Variants in CDH13 observed in about 807,000 individuals in gnomAD.
The protein encoded by CDH13 is cadherin-13.
Under a neutral mutation model 63.8 loss-of-function variants are expected in CDH13, and 24 were observed. That is an observed-to-expected ratio of 0.38 (90% CI 0.27 to 0.53). The LOEUF (loss-of-function observed/expected upper bound fraction) is 0.53, where lower values mean the gene tolerates loss of function less well. CDH13 is among the 20% of genes least tolerant of loss of function. The probability of loss-of-function intolerance (pLI) is 0.85; values close to 1 mark genes in which losing one functional copy is unlikely to be tolerated. For missense variants in CDH13, 1,049 were observed against 903.1 expected (o/e 1.16, Z -2.07); for synonymous variants, 503 against 355.3 (o/e 1.42, Z -4.67).
chr16:83,589,025 A>C (rs1422481103), intron 7 of CDH13, among the ~76,000 whole-genome samples: 1 of 152,208 alleles, frequency 6.6e-6, no homozygotes, highest in African/African-American at 2.4e-5. Context: ...ATTATCCTAC[A>C]GAGCTAGAAG....
chr16:82,680,029 C>G (rs1459086691), intron 1 of CDH13, among the ~76,000 whole-genome samples: 1 of 152,128 alleles, frequency 6.6e-6, no homozygotes, highest in Non-Finnish European at 1.5e-5. Context: ...ATGGAGGTTC[C>G]AGGATCTATG....
Position 82,721,130 on chromosome 16 carries a change from GA to G in CDH13, c.45+93994del, listed in dbSNP as rs1306732218. Among the ~76,000 whole-genome samples, 4 of 152,284 alleles carry G rather than the reference GA, an allele frequency of 2.6e-5. No individual in the cohort carries two copies. The East Asian group carries it at 7.7e-4, about 29-fold the overall frequency. ...TCAATGACCAGTCATTCCTCTCCTT[GA>G]TTTAACAAACATTCATTGAGCACCT... is the stretch of plus-strand genomic sequence containing the variant. On this transcript the variant is annotated intron_variant, in intron 1 of 13. Coordinates refer to ENST00000567109, the MANE Select transcript of CDH13 (RefSeq NM_001257.5).
At chr16:83,702,350 G>A (rs1046736964) in intron 10 of CDH13, among the ~76,000 whole-genome samples, 6 of 152,108 alleles carry the variant, frequency 3.9e-5, no homozygotes, top group Non-Finnish European at 7.4e-5. Flanking sequence ...TATTACAGTC[G>A]AACTGCAGAT....
intron 6 of CDH13, among the ~76,000 whole-genome samples, chr16:83,425,276 G>A (rs982969027): frequency 2.0e-5 from 3 of 152,206 alleles, no homozygotes; most frequent in Non-Finnish European, 2.9e-5. Context: ...GTCATCTAAC[G>A]TTAGTTCCAG....
chr16:83,696,114 C>T (rs753918656), intron 10 of CDH13, among the ~76,000 whole-genome samples: 13 of 152,126 alleles, frequency 8.5e-5, no homozygotes, highest in Non-Finnish European at 1.5e-4. Flanking sequence ...GGTTCTCAAA[C>T]TCCTGGGCTC....
intron 2 of CDH13, among the ~76,000 whole-genome samples, chr16:83,012,147 T>G (rs1914227373): frequency 6.6e-6 from 1 of 152,162 alleles, no homozygotes; most frequent in Non-Finnish European, 1.5e-5. Context: ...AAGAATAACT[T>G]ATAAAATTAC....
chr16:83,247,131 C>A (rs1019536377), intron 5 of CDH13, among the ~76,000 whole-genome samples: 2 of 152,166 alleles, frequency 1.3e-5, no homozygotes, highest in East Asian at 1.9e-4. Flanking sequence ...ATCATTGGTA[C>A]CTGTGCCATC....
At chr16:83,704,522 C>T (rs944394485) in intron 10 of CDH13, among the ~76,000 whole-genome samples, 3 of 152,298 alleles carry the variant, frequency 2.0e-5, no homozygotes, top group South Asian at 4.1e-4. Flanking sequence ...GCACCACTCC[C>T]ATATCCCACC....
chr16:83,234,087 AAGG>A, intron 5 of CDH13, among the ~76,000 whole-genome samples: 1 of 152,184 alleles, frequency 6.6e-6, no homozygotes, highest in East Asian at 1.9e-4. Context: ...TGACGGCCGG[AAGG>A]AGAAGTAACT....
At chr16:83,195,942 C>A (rs1270368205) in intron 4 of CDH13, among the ~76,000 whole-genome samples, 1 of 152,196 alleles carries the variant, frequency 6.6e-6, no homozygotes, top group Non-Finnish European at 1.5e-5. Flanking sequence ...CAACCTAAAC[C>A]TCACTCTTCA....
intron 7 of CDH13, among the ~76,000 whole-genome samples, chr16:83,543,523 A>G (rs1262732463): frequency 5.3e-5 from 8 of 152,064 alleles, no homozygotes; most frequent in Non-Finnish European, 1.2e-4. Flanking sequence ...GCTGTGATCT[A>G]CTCCAGTAAA....
At chr16:83,740,085 G>A (rs999581169) in intron 10 of CDH13, 1 of 152,122 alleles carries the variant, frequency 6.6e-6, no homozygotes, top group Non-Finnish European at 1.5e-5. Flanking sequence ...GTAGAAATGT[G>A]TTGAGACCAG....
chr16:82,811,996 G>C (rs549906915), intron 1 of CDH13, among the ~76,000 whole-genome samples: 1 of 152,168 alleles, frequency 6.6e-6, no homozygotes, highest in Non-Finnish European at 1.5e-5. Context: ...GACATGAGTA[G>C]GTTCTACCTT....
chr16:83,070,153 G>A (rs573944341), intron 3 of CDH13, among the ~76,000 whole-genome samples: 29 of 152,050 alleles, frequency 1.9e-4, no homozygotes, highest in Non-Finnish European at 4.0e-4. Flanking sequence ...TGCTCTTGCA[G>A]CAACAAATCT....
At chr16:83,496,492 C>G (rs2074147412) in intron 7 of CDH13, among the ~76,000 whole-genome samples, 2 of 151,584 alleles carry the variant, frequency 1.3e-5, no homozygotes, top group South Asian at 4.2e-4. Context: ...TTCCTTACAC[C>G]TTATACAAAA....
Position 82,644,312 on chromosome 16 carries a change from C to T in CDH13, c.45+17175C>T, listed in dbSNP as rs1009496486. Among the ~76,000 whole-genome samples, 9 of 152,090 alleles carry T rather than the reference C, an allele frequency of 5.9e-5. No homozygotes were observed. Among genetic ancestry groups the T allele is most frequent in the East Asian group, 3.9e-4 (2 of 5,158 alleles). On this transcript the variant is annotated intron_variant, in intron 1 of 13. Transcript: ENST00000567109. This position sits in a 1 kb window ranked among gnomAD's most constrained non-coding sequence, Gnocchi z 5.7. ...TGCTCATCACTCTGCAAATCAAGGC[C>T]CCCCGAACTCCTCCCACCCCTGCCT...
At chr16:83,463,143 T>C (rs2073222521) in intron 6 of CDH13, among the ~76,000 whole-genome samples, 1 of 152,098 alleles carries the variant, frequency 6.6e-6, no homozygotes, top group Non-Finnish European at 1.5e-5. Context: ...TTATTTGAGA[T>C]GAAGCAGGAA....
At chr16:82,908,239 G>T (rs963766660) in intron 2 of CDH13, among the ~76,000 whole-genome samples, 4 of 152,128 alleles carry the variant, frequency 2.6e-5, no homozygotes, top group African/African-American at 9.7e-5. Context: ...AAAAGGTGAT[G>T]GGTAGCTAGA....
chr16:82,672,861 C>G (rs1913430565), intron 1 of CDH13, among the ~76,000 whole-genome samples: 1 of 151,888 alleles, frequency 6.6e-6, no homozygotes, highest in Admixed American at 6.6e-5. Context: ...GTTGCCCAGG[C>G]TGGAGTGCAG....
Sources: allele counts gnomAD v4.1 joint callset (sites outside exome capture counted in the v4.1 genomes callset), GRCh38; gene constraint gnomAD v4.1.1; non-coding constraint Gnocchi (gnomAD v3.1); transcripts MANE v1.5; gene names NCBI Gene and HGNC (gene_info 2026-07-23, HGNC 2026-07-21).